The following ADAM23 variants were observed in gnomAD, a reference collection of about 807,000 sequenced individuals.
ADAM23 encodes the protein ADAM metallopeptidase domain 23, also known as disintegrin and metalloproteinase domain-containing protein 23.
ADAM23 carries 33 observed loss-of-function variants against 120.1 expected under a neutral mutation model. The ratio of observed to expected loss-of-function variants is 0.27; its 90% CI spans 0.21 to 0.37. The LOEUF is 0.37. Among genes scored for constraint, ADAM23 ranks in the 10% least tolerant of loss-of-function variants. The probability of loss-of-function intolerance (pLI) is 1.00; values close to 1 mark genes in which losing one functional copy is unlikely to be tolerated. For missense variants in ADAM23, 862 were observed against 1,058.2 expected, an observed-to-expected ratio of 0.81 and a Z score of 2.57; for synonymous variants, 367 against 375.2, an observed-to-expected ratio of 0.98 and a Z score of 0.25.
intron 14 of ADAM23, among the ~76,000 whole-genome samples, chr2:206,566,491 G>T (rs888770360): frequency 6.6e-6 from 1 of 151,870 alleles, no homozygotes; most frequent in East Asian, 1.9e-4. Flanking sequence ...AACTAACCAT[G>T]TGTATAATAT....
intron 3 of ADAM23, among the ~76,000 whole-genome samples, chr2:206,520,533 A>C (rs931308902): frequency 1.3e-5 from 2 of 152,060 alleles, no homozygotes; most frequent in African/African-American, 4.8e-5. Flanking sequence ...TCTTCTTCTT[A>C]TTTTTTTCTC....
intron 3 of ADAM23, among the ~76,000 whole-genome samples, chr2:206,487,431 G>A (rs149712728): frequency 6.6e-6 from 1 of 152,302 alleles, no homozygotes; most frequent in East Asian, 1.9e-4. Context: ...GGGTTGATAG[G>A]TGCTCAAGGT....
chr2:206,571,518 A>T (rs891634023), intron 16 of ADAM23, among the ~76,000 whole-genome samples: 3 of 152,188 alleles, frequency 2.0e-5, no homozygotes, highest in African/African-American at 7.2e-5. Flanking sequence ...TCTATTTGCT[A>T]TTGAAGTCCT....
intron 2 of ADAM23, among the ~76,000 whole-genome samples, chr2:206,469,512 A>G (rs1209474804): frequency 6.6e-6 from 1 of 152,128 alleles, no homozygotes; most frequent in Non-Finnish European, 1.5e-5. Context: ...AAAGTCTCTT[A>G]AGGCTACTCT....
chr2:206,477,897 A>AAATATATATATATATATATAT (rs374524658), intron 2 of ADAM23, among the ~76,000 whole-genome samples: 86 of 93,542 alleles, frequency 9.2e-4, no homozygotes, highest in Non-Finnish European at 1.2e-3. Context: ...AAAAAAAAAA[A>AAATATATATATATATATATAT]ATATATATAT....
intron 14 of ADAM23, 22 bp downstream of exon 14, chr2:206,565,090 A>G (rs960808025): frequency 1.2e-6 from 2 of 1,613,148 alleles, no homozygotes; most frequent in Non-Finnish European, 1.7e-6. Flanking sequence ...TTATGCGTGC[A>G]TTTGATATAT....
intron 2 of ADAM23, among the ~76,000 whole-genome samples, chr2:206,465,345 T>G (rs1695522618): frequency 6.6e-6 from 1 of 152,218 alleles, no homozygotes; most frequent in Non-Finnish European, 1.5e-5. Flanking sequence ...TGGCCTACGT[T>G]CTTGCAGATT....
At chr2:206,503,385 G>T (rs1696431075) in intron 3 of ADAM23, among the ~76,000 whole-genome samples, 1 of 151,998 alleles carries the variant, frequency 6.6e-6, no homozygotes, top group Non-Finnish European at 1.5e-5. Context: ...AAAGGATGAG[G>T]GAAAAAGAAA....
At chr2:206,501,268 C>T (rs1372614113) in intron 3 of ADAM23, among the ~76,000 whole-genome samples, 1 of 152,062 alleles carries the variant, frequency 6.6e-6, no homozygotes, top group South Asian at 2.1e-4. Flanking sequence ...ATTGAGAGCT[C>T]TTCTGGTGTA....
intron 18 of ADAM23, among the ~76,000 whole-genome samples, chr2:206,578,550 G>A (rs1207600245): frequency 1.7e-5 from 2 of 116,126 alleles, no homozygotes; most frequent in African/African-American, 3.6e-5. Context: ...TGACTATGTA[G>A]CATTCCATCA....
intron 3 of ADAM23, among the ~76,000 whole-genome samples, chr2:206,523,486 A>G (rs553195506): frequency 6.6e-6 from 1 of 152,300 alleles, no homozygotes; most frequent in Admixed American, 6.5e-5. Context: ...TCATTGCTAC[A>G]TGCTTAAATC....
chr2:206,480,205 T>A (rs1334873957), intron 2 of ADAM23, among the ~76,000 whole-genome samples: 1 of 152,062 alleles, frequency 6.6e-6, no homozygotes. Context: ...GGGACGCCTT[T>A]GAAGGATGGG....
intron 2 of ADAM23, among the ~76,000 whole-genome samples, chr2:206,453,102 C>T (rs539325643): frequency 6.6e-6 from 1 of 152,342 alleles, no homozygotes; most frequent in African/African-American, 2.4e-5. Flanking sequence ...AGAACTGCTG[C>T]TTTCCTTCTT....
Position 206,497,023 on chromosome 2 carries a change from CA to C in ADAM23, c.509+15722del, listed in dbSNP as rs575091270. Among the ~76,000 whole-genome samples, 352 of 152,066 alleles carry C rather than the reference CA, an allele frequency of 2.3e-3. 2 individuals carry two copies. Among genetic ancestry groups the C allele is most frequent in the Middle Eastern group, 6.8e-3 (2 of 294 alleles). On this transcript the variant is annotated intron_variant, in intron 3 of 25. Transcript: ENST00000264377. The stretch of plus-strand genomic sequence containing the variant: ...AGGCAATAATTAATAGCTTACCAAC[CA>C]AAAAAAGTCCAGGACCAGATGGATT...
chr2:206,544,995 G>A (rs1318495454), intron 6 of ADAM23, among the ~76,000 whole-genome samples: 1 of 152,106 alleles, frequency 6.6e-6, no homozygotes, highest in Non-Finnish European at 1.5e-5. Flanking sequence ...GGAGCTTTGA[G>A]GAACCTGACA....
At chr2:206,481,187 G>T in intron 2 of ADAM23, 45 bp from the exon 3 acceptor site, 1 of 1,472,478 alleles carries the variant, frequency 6.8e-7, no homozygotes, top group South Asian at 1.2e-5. Context: ...CTGTCTTAAA[G>T]ACAGGAAAGT....
At chr2:206,550,707 T>G (rs1276157164) in intron 9 of ADAM23, among the ~76,000 whole-genome samples, 1 of 151,778 alleles carries the variant, frequency 6.6e-6, no homozygotes, top group Non-Finnish European at 1.5e-5. Flanking sequence ...GTTCACGCTA[T>G]TCTCCTGCCT....
At chr2:206,459,135 T>C (rs556401422) in intron 2 of ADAM23, among the ~76,000 whole-genome samples, 1 of 152,362 alleles carries the variant, frequency 6.6e-6, no homozygotes, top group South Asian at 2.1e-4. Context: ...CCCTGTGTAA[T>C]GTAATGGAGT....
intron 25 of ADAM23, among the ~76,000 whole-genome samples, chr2:206,611,961 T>C (rs1574566177): frequency 6.6e-6 from 1 of 152,304 alleles, no homozygotes; most frequent in East Asian, 1.9e-4. Flanking sequence ...CCTGTACTGC[T>C]GAGCTGAGTC....
Sources: gnomAD v4.1 joint callset for allele counts (sites outside exome capture counted in the v4.1 genomes callset) on GRCh38, gnomAD v4.1.1 for gene constraint, MANE v1.5 for transcripts, NCBI Gene and HGNC (gene_info 2026-07-23, HGNC 2026-07-21) for gene names.